DDA1: variants seen among roughly 807,000 people sequenced by gnomAD.
DDA1 encodes the protein DET1- and DDB1-associated protein 1.
In DDA1, 3 loss-of-function variants were observed where a neutral mutation model predicts 18.6. The ratio of observed to expected loss-of-function variants is 0.16; its 90% CI spans 0.07 to 0.42. DDA1 has a LOEUF of 0.42. Ranked by LOEUF, DDA1 falls within the 10% of genes least tolerant of loss-of-function variation. DDA1 has a pLI of 0.99. For synonymous variants in DDA1, 52 were observed against 54.0 expected, an observed-to-expected ratio of 0.96 and a Z score of 0.17; for missense variants, 105 against 138.2, an observed-to-expected ratio of 0.76 and a Z score of 1.20.
At chr19:17,316,051 T>C in intron 4 of DDA1, 56 bp downstream of exon 4, 1 of 1,571,248 alleles carries the variant, frequency 6.4e-7, no homozygotes, top group Non-Finnish European at 8.8e-7. Flanking sequence ...ACTGGGCACC[T>C]GGCAGGGGCT....
At chr19:17,311,450 C>G (rs777589177) in intron 1 of DDA1, among the ~76,000 whole-genome samples, 1 of 152,292 alleles carries the variant, frequency 6.6e-6, no homozygotes, top group Non-Finnish European at 1.5e-5. Context: ...CCACTGCGCC[C>G]GGCCAGAAGG....
Position 17,319,548 on chromosome 19 carries a change from C to T in DDA1, c.201C>T (p.Asn67=), listed in dbSNP as rs1220229480. 1.3e-5 allele frequency: 20 copies of T among 1,563,652 alleles called. No individual in the cohort carries two copies. The South Asian group carries it at 1.7e-4, about 13-fold the overall frequency. ...CCTCTCTTTTCCCTGTCCCCCAGAA[C>T]GCTGCCAAGAAGAGAGACCAGGAGC... ...RYLHQQWDKK[N]AAKKRDQEQV... Residue 67 remains asparagine, a splice_region_variant and synonymous_variant, in exon 5 of 5, where the codon AAC becomes AAT. Transcript: ENST00000359866.
At chr19:17,317,056 C>G (rs12151127) in intron 4 of DDA1, among the ~76,000 whole-genome samples, 9,169 of 151,958 alleles carry the variant, frequency 0.06, 406 homozygotes, top group Middle Eastern at 0.17. Flanking sequence ...GAAACCCCAT[C>G]TCTACTAATA....
chr19:17,314,583 T>C lies in DDA1; in HGVS notation c.136+194T>C. 1.5e-6 allele frequency: 1 copy of C among 674,382 alleles called. No individual in the cohort carries two copies. Among genetic ancestry groups the C allele is most frequent in the Non-Finnish European group, 2.5e-6 (1 of 401,922 alleles). 41.8% of individuals were successfully genotyped at this position (674,382 alleles called of 1,614,324 possible). ...GGTACAGGAGGGGGACCTTGGGGGC[T>C]TCAGCCTGGGGATGCACACGTGGAT... On this transcript the variant is annotated intron_variant, in intron 3 of 4. Transcript: ENST00000359866. The surrounding 1 kb of genome is among the most constrained non-coding windows in gnomAD (Gnocchi z 4.6).
chr19:17,317,353 C>T (rs183235480), intron 4 of DDA1, among the ~76,000 whole-genome samples: 2 of 152,010 alleles, frequency 1.3e-5, no homozygotes, highest in Admixed American at 6.6e-5. Flanking sequence ...ACTAAAAATA[C>T]AAAAAATTAG....
chr19:17,317,680 A>AC (rs2074220316), intron 4 of DDA1, among the ~76,000 whole-genome samples: 1 of 151,520 alleles, frequency 6.6e-6, no homozygotes, highest in South Asian at 2.1e-4. Flanking sequence ...AAAAAAAAAA[A>AC]AAAAAAAACA....
intron 1 of DDA1, 144 bp downstream of exon 1, chr19:17,309,801 C>A (rs989986088): frequency 1.2e-5 from 13 of 1,066,078 alleles, no homozygotes; most frequent in Non-Finnish European, 1.7e-5. Flanking sequence ...TCACCTGTGA[C>A]CTTCGACCCC....
Position 17,318,073 on chromosome 19 carries a change from G to A in DDA1, c.199-1473G>A, listed in dbSNP as rs535188097. On this transcript the variant is annotated intron_variant, in intron 4 of 4. Coordinates refer to ENST00000359866, the MANE Select transcript of DDA1 (RefSeq NM_024050.6). ...AGGTCTTGCTCTGTCACCCAGGCTG[G>A]AGTCGCCCAGGCTGGAGTGCAGTGG... 1.4e-3 allele frequency among the ~76,000 whole-genome samples: 206 copies of A among 151,404 alleles called. 1 individual carries two copies. Among genetic ancestry groups the A allele is most frequent in the Non-Finnish European group, 2.1e-3 (142 of 67,918 alleles).
rs772806868 is a variant in DDA1, at chr19:17,314,005, A to G, written c.4-18A>G. ...GCCCTTGCCTGTTTTCTCATGTACC[A>G]TCTTCCATGTCTTCTAGGCAGATTT... is the stretch of plus-strand genomic sequence containing the variant. On this transcript the variant is annotated intron_variant, in intron 1 of 4. Coordinates refer to ENST00000359866, the MANE Select transcript of DDA1 (RefSeq NM_024050.6). This position sits in a 1 kb window ranked among gnomAD's most constrained non-coding sequence, Gnocchi z 4.6. 8.7e-6 allele frequency: 14 copies of G among 1,610,260 alleles called. No homozygotes were observed. Among genetic ancestry groups the G allele is most frequent in the Non-Finnish European group, 1.1e-5 (13 of 1,176,732 alleles).
rs59605281 is a variant in DDA1 at position 17,321,134 on chromosome 19, A to AT, written c.*1493dup. ...AGGCACCCACCACCATGCCTGGCTA[A>AT]TTTTTTTTTTTTTTTGAGATGGAGT... On this transcript the variant is annotated 3_prime_UTR_variant, in exon 5 of 5. Transcript: ENST00000359866. 3,625 of 132,874 alleles carry AT rather than the reference A, an allele frequency of 0.027. 47 individuals are homozygous for AT. The highest frequency in any genetic ancestry group is 0.12 in the Middle Eastern group (29 of 252). 8.2% of individuals were successfully genotyped at this position (132,874 alleles called of 1,614,324 possible). A position where few individuals can be genotyped will look rare whatever the true frequency, so the allele number is the denominator to read the frequency against.
intron 1 of DDA1, among the ~76,000 whole-genome samples, chr19:17,311,864 G>T (rs2074180532): frequency 6.6e-6 from 1 of 152,122 alleles, no homozygotes; most frequent in Non-Finnish European, 1.5e-5. Flanking sequence ...ACCTGTGAGG[G>T]CCCAGCCGTG....
chr19:17,315,188 C>T (rs28561888), intron 3 of DDA1, among the ~76,000 whole-genome samples: 1,152 of 21,238 alleles, frequency 0.054, 335 homozygotes, highest in South Asian at 0.12. Context: ...CACGTGTATA[C>T]ACACACGTGT....
At chr19:17,315,285 A>ATATATATACACG in intron 3 of DDA1, among the ~76,000 whole-genome samples, 1 of 41,386 alleles carries the variant, frequency 2.4e-5, no homozygotes, top group African/African-American at 1.7e-4. Context: ...ATATACACAC[A>ATATATATACACG]CTATATATAT....
Position 17,320,785 on chromosome 19 carries a change from C to T in DDA1, c.*1129C>T, listed in dbSNP as rs1355250887. ...TTGGCACCTGGCAGTTGGCATGTGCCATGGCCGCTCATGGGGACCCCTCTT... is the reference window on the plus strand; with the variant it reads ...TTGGCACCTGGCAGTTGGCATGTGCTATGGCCGCTCATGGGGACCCCTCTT... On this transcript the variant is annotated 3_prime_UTR_variant, in exon 5 of 5. Transcript: ENST00000359866. The T allele has an allele frequency of 6.6e-6, 1 of 152,554 alleles. No individual in the cohort carries two copies. The highest frequency in any genetic ancestry group is 6.5e-5 in the Admixed American group (1 of 15,284). 9.5% of individuals were successfully genotyped at this position (152,554 alleles called of 1,614,324 possible).
At chr19:17,315,044 C>T (rs113782050) in intron 3 of DDA1, among the ~76,000 whole-genome samples, 11,532 of 148,386 alleles carry the variant, frequency 0.078, 609 homozygotes, top group Non-Finnish European at 0.1. Context: ...CGAGACCAGC[C>T]TGAGCAACAT....
At chr19:17,312,316 C>T (rs956111831) in intron 1 of DDA1, among the ~76,000 whole-genome samples, 1 of 152,134 alleles carries the variant, frequency 6.6e-6, no homozygotes, top group Admixed American at 6.5e-5. Context: ...GGGAGGTGGA[C>T]ATGTAAGCAG....
chr19:17,318,423 G>T (rs2074224130), intron 4 of DDA1, among the ~76,000 whole-genome samples: 2 of 151,948 alleles, frequency 1.3e-5, no homozygotes, highest in African/African-American at 4.8e-5. Context: ...TAGAGGCGGG[G>T]TTTCTCGATG....
rs200811437 is a variant in DDA1, at chr19:17,315,150, C to CGT, written c.136+762_136+763dup. On this transcript the variant is annotated intron_variant, in intron 3 of 4. Coordinates refer to ENST00000359866, the MANE Select transcript of DDA1 (RefSeq NM_024050.6). ...ATATACACACATATATATACACACACGTATATATACACACGTGTATATACA... is the reference window on the plus strand; with the variant it reads ...ATATACACACATATATATACACACACGTGTATATATACACACGTGTATATACA... 4.5e-3 allele frequency among the ~76,000 whole-genome samples: 284 copies of CGT among 63,726 alleles called. 21 individuals are homozygous for CGT. Among genetic ancestry groups the CGT allele is most frequent in the Middle Eastern group, 0.011 (2 of 176 alleles). The allele number at this position is 63,726 out of a possible 152,430, so 41.8% of individuals were successfully genotyped here. A position where few individuals can be genotyped will look rare whatever the true frequency, so the allele number is the denominator to read the frequency against.
intron 1 of DDA1, chr19:17,310,090 G>A (rs2074172165): frequency 5.4e-6 from 1 of 184,032 alleles, no homozygotes; most frequent in Non-Finnish European, 1.1e-5. Flanking sequence ...GGGCTTTGTC[G>A]CCAAAGGAAG....
Sources: gnomAD v4.1 joint callset for allele counts (sites outside exome capture counted in the v4.1 genomes callset) on GRCh38, gnomAD v4.1.1 for gene constraint, Gnocchi (gnomAD v3.1) non-coding constraint, MANE v1.5 for transcripts, NCBI Gene and HGNC (gene_info 2026-07-23, HGNC 2026-07-21) for gene names.